The following DDX51 variants were observed in gnomAD, a reference collection of about 807,000 sequenced individuals.
DDX51 encodes the protein DEAD-box helicase 51.
In DDX51, 67 loss-of-function variants were observed where a neutral mutation model predicts 74.6. The observed-to-expected ratio is 0.90, with a 90% CI of 0.74 to 1.10. The LOEUF (loss-of-function observed/expected upper bound fraction) is 1.10, where lower values mean the gene tolerates loss of function less well. Ranked by LOEUF, DDX51 falls within the 50% of genes least tolerant of loss-of-function variation. DDX51 has a pLI of 0.00. For synonymous variants in DDX51, 545 were observed against 402.9 expected (o/e 1.35, Z -4.22); for missense variants, 1,056 against 905.2 (o/e 1.17, Z -2.14).
In DDX51 at chr12:132,141,261, G is replaced by A. The variant is rs551470730; in HGVS notation, c.1250+14C>T. 58 of 1,581,482 alleles carry A rather than the reference G, an allele frequency of 3.7e-5. No homozygotes were observed. Among genetic ancestry groups the A allele is most frequent in the African/African-American group, 9.4e-5 (7 of 74,530 alleles). On this transcript the variant is annotated intron_variant, in intron 8 of 14. Transcript: ENST00000397333. ...GCTCAGGGGAGGCCAGCACCTGGGC[G>A]TGCTGCTGGATACCTGGCGGCTGTC...
chr12:132,143,576 G>A, intron 2 of DDX51, 119 bp downstream of exon 2: 4 of 1,335,062 alleles, frequency 3.0e-6, no homozygotes, highest in Non-Finnish European at 4.1e-6. Context: ...CTGGCAGCGA[G>A]GCGCGGCTGT....
rs1472728359 is a variant in DDX51, at chr12:132,143,987, G to A, written c.304+6C>T. 4 of 1,397,434 alleles carry A rather than the reference G, an allele frequency of 2.9e-6. No individual in the cohort carries two copies. In the East Asian group the frequency reaches 9.2e-5, roughly 32 times the overall value. The allele number at this position is 1,397,434 out of a possible 1,614,324, so 86.6% of individuals were successfully genotyped here. The stretch of plus-strand genomic sequence containing the variant: ...CCAGAGGGAGCCCGCTCGCCCCGCG[G>A]CCCACCTGCGCCCGCGTCCTCGCCG... On this transcript the variant is annotated splice_donor_region_variant and intron_variant, in intron 1 of 14. Coordinates refer to ENST00000397333, the MANE Select transcript of DDX51 (RefSeq NM_175066.4).
intron 9 of DDX51, 38 bp from the exon 10 acceptor site, chr12:132,140,773 T>C (rs9787982): frequency 0.019 from 30,336 of 1,612,498 alleles, 1,098 homozygotes; most frequent in African/African-American, 0.098. Flanking sequence ...GAGGTGAGGG[T>C]TGGTTAGGGG....
chr12:132,142,897 AGAGGCCAGGTG>A lies in DDX51; in HGVS notation c.520-30_520-20del. The stretch of plus-strand genomic sequence containing the variant: ...GCTGGACCTGCCATCAAAAAGAAAG[AGAGGCCAGGTG>A]AGCGCTTTCCAGGCTCTCGCGCAGA... On this transcript the variant is annotated intron_variant, in intron 2 of 14. Transcript: ENST00000397333. 6.2e-7 allele frequency: 1 copy of A among 1,612,036 alleles called. No homozygotes were observed. The highest frequency in any genetic ancestry group is 8.5e-7 in the Non-Finnish European group (1 of 1,179,970).
In DDX51 at chr12:132,143,792, G is replaced by A; in HGVS notation, c.422C>T (p.Ala141Val). 5 of 1,520,182 alleles carry A rather than the reference G, an allele frequency of 3.3e-6. No individual in the cohort carries two copies. Among genetic ancestry groups the A allele is most frequent in the Non-Finnish European group, 4.4e-6 (5 of 1,139,526 alleles). The allele number at this position is 1,520,182 out of a possible 1,614,324, so 94.2% of individuals were successfully genotyped here. ...GGCCGGTCCATCTGGGGCCGCCTCG[G>A]CGCTGGCGCTGGTGCTGCGCTCCCC... ...APGERSTSAS[A>V]EAAPDGPALE... The change falls in exon 2 of 15, where the codon GCC becomes GTC. Residue 141 changes from alanine (A) to valine (V), a missense_variant. By Grantham distance (64) the Ala-to-Val change is moderately conservative (BLOSUM62 0). Transcript: ENST00000397333.
Position 132,140,753 on chromosome 12 carries a change from G to C in DDX51, c.1441-18C>G, listed in dbSNP as rs1268903382. The C allele has an allele frequency of 3.1e-6, 5 of 1,612,904 alleles. No individual in the cohort carries two copies. The highest frequency in any genetic ancestry group is 4.2e-6 in the Non-Finnish European group (5 of 1,179,994). On this transcript the variant is annotated intron_variant, in intron 9 of 14. Coordinates refer to ENST00000397333, the MANE Select transcript of DDX51 (RefSeq NM_175066.4). Reference sequence around the variant, plus strand: ...TAGTGGTGCTACAGGGACGGCAGGGGGTCGGGGTGGAGGTGAGGGTTGGTT... The same window carrying C: ...TAGTGGTGCTACAGGGACGGCAGGGCGTCGGGGTGGAGGTGAGGGTTGGTT...
In DDX51 at chr12:132,144,104, T is replaced by C. The variant is rs1357396829; in HGVS notation, c.193A>G (p.Arg65Gly). 3 of 1,222,528 alleles carry C rather than the reference T, an allele frequency of 2.5e-6. No homozygotes were observed. The highest frequency in any genetic ancestry group is 4.4e-5 in the Admixed American group (1 of 22,542). The allele number at this position is 1,222,528 out of a possible 1,614,324, so 75.7% of individuals were successfully genotyped here. ...CGCCGCCGGGGCCGCCGTCGCCTCC[T>C]GGTCGCCGGCTCGGTCGATGCAGCC... ...EAAASTEPAT[R>G]RRRRPRRRRR... is the part of the protein sequence containing the mutation. Residue 65 changes from arginine to glycine, a missense_variant, in exon 1 of 15, where the codon AGG becomes GGG. Physicochemically the swap from Arg to Gly is moderately radical, Grantham distance 125. Transcript: ENST00000397333.
intron 3 of DDX51, 28 bp downstream of exon 3, chr12:132,142,700 C>T: frequency 6.2e-7 from 1 of 1,610,344 alleles, no homozygotes; most frequent in Non-Finnish European, 8.5e-7. Context: ...GAGGTGTTCC[C>T]TCAGCTGCCT....
Position 132,140,998 on chromosome 12 carries a change from G to A in DDX51, c.1273C>T (p.Leu425=), listed in dbSNP as rs368940949. 16 of 1,598,268 alleles carry A rather than the reference G, an allele frequency of 1.0e-5. No individual in the cohort carries two copies. The highest frequency in any genetic ancestry group is 7.3e-5 in the Admixed American group (4 of 54,842). Residue 425 remains leucine (L), a synonymous_variant, in exon 9 of 15, where the codon CTG becomes TTG. Transcript: ENST00000397333. Reference sequence around the variant, plus strand: ...GTAGCTGAGAAGAGCAGCTTCTGCAGGGGCATCTGGGGACAGCAGGTGCTG... The same window carrying A: ...GTAGCTGAGAAGAGCAGCTTCTGCAAGGGCATCTGGGGACAGCAGGTGCTG... ...AASTCCPQMP[L]QKLLFSATLT... is the part of the protein sequence containing the mutation.
In DDX51 at chr12:132,137,710, A is replaced by C. The variant is rs1466181046; in HGVS notation, c.*1562T>G. 6.6e-6 allele frequency: 1 copy of C among 152,108 alleles called. No homozygotes were observed. The highest frequency in any genetic ancestry group is 1.5e-5 in the Non-Finnish European group (1 of 68,030). The allele number at this position is 152,108 out of a possible 1,614,324, so 9.4% of individuals were successfully genotyped here. Reference sequence around the variant, plus strand: ...GCGGTTAGTGATGTTGGCATCATCCACCTTTTTCAAACAAAGCACTGGACT... The same window carrying C: ...GCGGTTAGTGATGTTGGCATCATCCCCCTTTTTCAAACAAAGCACTGGACT... On this transcript the variant is annotated 3_prime_UTR_variant, in exon 15 of 15. Coordinates refer to ENST00000397333, the MANE Select transcript of DDX51 (RefSeq NM_175066.4).
Position 132,141,545 on chromosome 12 carries a change from G to T in DDX51, c.1057C>A (p.His353Asn). ...VVATPGRLVDHIDQTPGFSLQ... is the reference protein window; with the variant it reads ...VVATPGRLVDNIDQTPGFSLQ... ...CTGAATCCTGGGGTCTGGTCGATGT[G>T]GTCCACCAGGCGGCCGGGGGTGGCT... The change falls in exon 7 of 15, where the codon CAC becomes AAC. Residue 353 changes from histidine to asparagine, a missense_variant. Physicochemically the swap from His to Asn is moderately conservative, Grantham distance 68. Coordinates refer to ENST00000397333, the MANE Select transcript of DDX51 (RefSeq NM_175066.4). 6.2e-7 allele frequency: 1 copy of T among 1,604,600 alleles called. No individual in the cohort carries two copies. Among genetic ancestry groups the T allele is most frequent in the Non-Finnish European group, 8.5e-7 (1 of 1,177,814 alleles).
At position 132,141,939 on chromosome 12, in the gene DDX51, G is replaced by T; in HGVS notation, c.906C>A (p.Asn302Lys). ...ELAQQVSKVF[N>K]IYTDATPLRV... ...TCAGAGGTGTGGCATCTGTGTAGAT[G>T]TTGAAAACTTTGCTCACCTGCAGGA... The change falls in exon 6 of 15, where the codon AAC (asparagine) becomes AAA (lysine). Residue 302 changes from asparagine to lysine, a missense_variant. Transcript: ENST00000397333. 1 of 1,612,532 alleles carries T rather than the reference G, an allele frequency of 6.2e-7. No homozygotes were observed. Among genetic ancestry groups the T allele is most frequent in the African/African-American group, 1.3e-5 (1 of 74,792 alleles).
In DDX51 at chr12:132,142,816, T is replaced by G. The variant is rs1320052815; in HGVS notation, c.582A>C (p.Glu194Asp). The G allele has an allele frequency of 1.2e-6, 2 of 1,612,944 alleles. No homozygotes were observed. Among genetic ancestry groups the G allele is most frequent in the Non-Finnish European group, 1.7e-6 (2 of 1,180,034 alleles). Reference protein sequence around the residue: ...EPNCVRRNVTEDLVPIEDIPD... With the variant: ...EPNCVRRNVTDDLVPIEDIPD... ...GGATGTCCTCGATAGGAACCAGGTC[T>G]TCGGTGACATTCCTTCTGACACAGT... Residue 194 changes from glutamate (E) to aspartate (D), a missense_variant, in exon 3 of 15, where the codon GAA becomes GAC. Coordinates refer to ENST00000397333, the MANE Select transcript of DDX51 (RefSeq NM_175066.4).
chr12:132,142,923 TCTCG>T (rs773454360), intron 2 of DDX51, 45 bp from the exon 3 acceptor site: 1 of 1,608,494 alleles, frequency 6.2e-7, no homozygotes, highest in South Asian at 1.1e-5. Context: ...CTTTCCAGGC[TCTCG>T]CGCAGAAGCC....
chr12:132,139,240 C>T lies in DDX51; in HGVS notation c.*32G>A, dbSNP rs368507351. 5.0e-6 allele frequency: 8 copies of T among 1,603,730 alleles called. No individual in the cohort carries two copies. The highest frequency in any genetic ancestry group is 1.1e-5 in the South Asian group (1 of 89,824). ...CTGGAAGGAGGGTCAGGGTGGTGAG[C>T]GTTCAGTCCCTCCGGCCCTCTGAGC... is the stretch of plus-strand genomic sequence containing the variant. On this transcript the variant is annotated 3_prime_UTR_variant, in exon 15 of 15. Transcript: ENST00000397333.
chr12:132,142,239 G>A, intron 4 of DDX51, 38 bp downstream of exon 4: 2 of 1,607,494 alleles, frequency 1.2e-6, no homozygotes, highest in South Asian at 1.1e-5. Context: ...CCTGTCCTCT[G>A]CACACCCGCT....
At position 132,138,967 on chromosome 12, in the gene DDX51, G is replaced by A. The variant is rs1897349015; in HGVS notation, c.*305C>T. 2 of 450,924 alleles carry A rather than the reference G, an allele frequency of 4.4e-6. No homozygotes were observed. The highest frequency in any genetic ancestry group is 3.4e-5 in the East Asian group (1 of 29,824). The allele number at this position is 450,924 out of a possible 1,614,324, so 27.9% of individuals were successfully genotyped here. Reference sequence around the variant, plus strand: ...TCAAGGTTAATGCCCCCAACTCTCAGCAAAAGCATGACGGGTGCCCGCGTC... The same window carrying A: ...TCAAGGTTAATGCCCCCAACTCTCAACAAAAGCATGACGGGTGCCCGCGTC... On this transcript the variant is annotated 3_prime_UTR_variant, in exon 15 of 15. Transcript: ENST00000397333.
rs377093177 is a variant in DDX51 at position 132,142,131 on chromosome 12, C to T, written c.876G>A (p.Glu292=). 5 of 1,545,094 alleles carry T rather than the reference C, an allele frequency of 3.2e-6. No homozygotes were observed. Among genetic ancestry groups the T allele is most frequent in the Middle Eastern group, 1.8e-4 (1 of 5,590 alleles). ...AGGGTCCACATACCTGCTGGGCCAG[C>T]TCCTTGGTGGGCAGCACAACCAGGG... The part of the protein sequence containing the change: ...IRALVVLPTK[E]LAQQVSKVFN... The change falls in exon 5 of 15, where the codon GAG becomes GAA. Residue 292 remains glutamate, a synonymous_variant. Transcript: ENST00000397333.
At position 132,141,880 on chromosome 12, in the gene DDX51, G is replaced by T. The variant is rs60927391; in HGVS notation, c.965C>A (p.Ala322Asp). The stretch of plus-strand genomic sequence containing the variant: ...CTGGACGAGGCTCTCCTGCTCCTTG[G>T]CCAGAGACTTCTGTCCCGTAACCAG... ...VSLVTGQKSL[A>D]KEQESLVQKT... is the part of the protein sequence containing the mutation. The change falls in exon 6 of 15, where the codon GCC (alanine) becomes GAC (aspartate). Residue 322 changes from alanine (A) to aspartate (D), a missense_variant. By Grantham distance (126) the Ala-to-Asp change is moderately radical. Transcript: ENST00000397333. 3.7e-6 allele frequency: 6 copies of T among 1,613,036 alleles called. No homozygotes were observed. In the South Asian group the frequency reaches 6.6e-5, roughly 18 times the overall value.
Sources: gnomAD v4.1 joint callset for allele counts on GRCh38, gnomAD v4.1.1 for gene constraint, MANE v1.5 for transcripts, NCBI Gene and HGNC (gene_info 2026-07-23, HGNC 2026-07-21) for gene names.